The following DNAH1 variants were observed in gnomAD, a reference collection of about 807,000 sequenced individuals.
DNAH1 encodes the protein dynein axonemal heavy chain 1.
A neutral mutation model predicts 484.3 loss-of-function variants in DNAH1; 327 were observed. The ratio of observed to expected loss-of-function variants is 0.68; its 90% CI spans 0.62 to 0.74. The LOEUF (loss-of-function observed/expected upper bound fraction) is 0.74. Among genes scored for constraint, DNAH1 ranks in the 30% least tolerant of loss-of-function variants. DNAH1 has a pLI of 0.00. For synonymous variants in DNAH1, 2,192 were observed against 2,191.9 expected (o/e 1.00, Z 0.00); for missense variants, 5,052 against 5,546.8 (o/e 0.91, Z 2.83).
At chr3:52,350,673 C>T (rs1469858651) in intron 16 of DNAH1, 83 bp downstream of exon 16, 2 of 1,244,772 alleles carry the variant, frequency 1.6e-6, no homozygotes, top group Non-Finnish European at 2.3e-6. Flanking sequence ...CCAAATGCCC[C>T]AGCTGCCACA....
chr3:52,378,592 A>G lies in DNAH1; in HGVS notation c.7199-10A>G, dbSNP rs756419759. 1.5e-4 allele frequency: 236 copies of G among 1,612,934 alleles called. 1 individual carries two copies. In the South Asian group the frequency reaches 2.0e-3, roughly 14 times the overall value. ...GGCATGTGACCCAGGCCATTCTCCT[A>G]TTCCCCCAGCTGGGGCCCCCCACAT... On this transcript the variant is annotated splice_polypyrimidine_tract_variant and intron_variant, in intron 46 of 77. Coordinates refer to ENST00000420323, the MANE Select transcript of DNAH1 (RefSeq NM_015512.5).
Position 52,395,240 on chromosome 3 carries a change from A to T in DNAH1, c.10969-68A>T. ...CTGGGGACCACTCTGAGAACCCCAG[A>T]TCCCCCTCCCTTGCCCCGATCTCTC... On this transcript the variant is annotated intron_variant, in intron 68 of 77. Transcript: ENST00000420323. This position sits in a 1 kb window ranked among gnomAD's most constrained non-coding sequence, Gnocchi z 4.4. 6.4e-7 allele frequency: 1 copy of T among 1,551,352 alleles called. No homozygotes were observed. Among genetic ancestry groups the T allele is most frequent in the Non-Finnish European group, 8.7e-7 (1 of 1,143,726 alleles).
At chr3:52,340,296 G>C (rs571105354) in intron 8 of DNAH1, among the ~76,000 whole-genome samples, 1 of 151,854 alleles carries the variant, frequency 6.6e-6, no homozygotes, top group Non-Finnish European at 1.5e-5. Flanking sequence ...TGCCCAGGCT[G>C]GTCTCGAATT....
At position 52,392,484 on chromosome 3, in the gene DNAH1, T is replaced by C. The variant is rs1559569165; in HGVS notation, c.10073T>C (p.Leu3358Pro). ...GGCAGTGGCCTAGAGGACCAGCTAC[T>C]GGGCCAGGTAGTGGCAGAGGAGCGA... ...LSPSGLEDQLLGQVVAEERPD... is the reference protein window; with the variant it reads ...LSPSGLEDQLPGQVVAEERPD... The change falls in exon 64 of 78, where the codon CTG becomes CCG. Residue 3358 changes from leucine (L) to proline (P), a missense_variant. Around this residue, in one of 4 missense-constraint regions of DNAH1, gnomAD observed 2,929 missense variants for 3,409.4 expected, o/e 0.86. Transcript: ENST00000420323. 1 of 1,613,738 alleles carries C rather than the reference T, an allele frequency of 6.2e-7. No individual in the cohort carries two copies. Among genetic ancestry groups the C allele is most frequent in the Admixed American group, 1.7e-5 (1 of 60,030 alleles).
chr3:52,327,857 C>T, intron 5 of DNAH1, 25 bp from the exon 6 acceptor site: 1 of 1,609,950 alleles, frequency 6.2e-7, no homozygotes, highest in East Asian at 2.2e-5. Context: ...CTGCTTCTTC[C>T]CAATGTTGGC....
In DNAH1 at chr3:52,346,670, C is replaced by G. The variant is rs895136781; in HGVS notation, c.1855C>G (p.Leu619Val). Residue 619 changes from leucine to valine, a missense_variant, in exon 11 of 78, where the codon CTT becomes GTT. Leu to Val is a conservative substitution (Grantham distance 32, BLOSUM62 1). This residue lies in a region of DNAH1 where 1,263 missense variants were observed against 1,218.8 expected (regional missense o/e 1.04). Transcript: ENST00000420323. ...DTLRFLVQDS[L>V]ASFSQFISDT... ...ACTGCGCTTCCTGGTGCAGGACTCA[C>G]TTGCCAGCTTCTCACAGTTCATCAG... 1 of 1,614,070 alleles carries G rather than the reference C, an allele frequency of 6.2e-7. No homozygotes were observed. Among genetic ancestry groups the G allele is most frequent in the Admixed American group, 1.7e-5 (1 of 60,026 alleles).
At chr3:52,342,657 G>T (rs1701980468) in intron 8 of DNAH1, among the ~76,000 whole-genome samples, 1 of 152,180 alleles carries the variant, frequency 6.6e-6, no homozygotes, top group Non-Finnish European at 1.5e-5. Flanking sequence ...TGCACATCCA[G>T]TAGCAGGAAG....
At chr3:52,326,012 C>A in intron 3 of DNAH1, 128 bp from the exon 4 acceptor site, 1 of 959,818 alleles carries the variant, frequency 1.0e-6, no homozygotes, top group Non-Finnish European at 1.4e-6. Context: ...TGCCCAGCCA[C>A]AGGCAAGCTT....
At position 52,381,925 on chromosome 3, in the gene DNAH1, C is replaced by T; in HGVS notation, c.7805+89C>T. 7.3e-7 allele frequency: 1 copy of T among 1,373,122 alleles called. No homozygotes were observed. The highest frequency in any genetic ancestry group is 9.8e-7 in the Non-Finnish European group (1 of 1,022,294). The allele number at this position is 1,373,122 out of a possible 1,614,324, so 85.1% of individuals were successfully genotyped here. A position where few individuals can be genotyped will look rare whatever the true frequency, so the allele number is the denominator to read the frequency against. On this transcript the variant is annotated intron_variant, in intron 49 of 77. Coordinates refer to ENST00000420323, the MANE Select transcript of DNAH1 (RefSeq NM_015512.5). The surrounding 1 kb of genome is among the most constrained non-coding windows in gnomAD (Gnocchi z 4.1). Reference sequence around the variant, plus strand: ...CCATGCTTTTGCACAGTGGTAGAGGCCTCGGGCAACCCTGAAGTAGGCCCG... The same window carrying T: ...CCATGCTTTTGCACAGTGGTAGAGGTCTCGGGCAACCCTGAAGTAGGCCCG...
Position 52,368,804 on chromosome 3 carries a change from G to A in DNAH1, c.5829G>A (p.Lys1943=). The A allele has an allele frequency of 1.2e-6, 2 of 1,613,992 alleles. No homozygotes were observed. Among genetic ancestry groups the A allele is most frequent in the Non-Finnish European group, 1.7e-6 (2 of 1,179,888 alleles). Residue 1943 remains lysine (K), a synonymous_variant, in exon 37 of 78, where the codon AAG becomes AAA. Transcript: ENST00000420323. The surrounding 1 kb of genome is among the most constrained non-coding windows in gnomAD (Gnocchi z 4.4). ...CCATCACCTCCGACACCAACAAGAAGTGGTACATGTTCGATGGGCCGGTGG... is the reference window on the plus strand; with the variant it reads ...CCATCACCTCCGACACCAACAAGAAATGGTACATGTTCGATGGGCCGGTGG... ...AGAITSDTNK[K]WYMFDGPVDA...
intron 8 of DNAH1, among the ~76,000 whole-genome samples, chr3:52,339,759 G>GT (rs1290841536): frequency 4.0e-5 from 6 of 151,306 alleles, no homozygotes; most frequent in Admixed American, 3.3e-4. Flanking sequence ...TTGCACATTA[G>GT]TTTTTTTTGT....
intron 8 of DNAH1, among the ~76,000 whole-genome samples, chr3:52,336,455 G>A (rs1023623214): frequency 5.6e-4 from 86 of 152,272 alleles, no homozygotes; most frequent in African/African-American, 2.0e-3. Context: ...TTGGGAAGCT[G>A]AGGTAGGAGG....
chr3:52,368,762 G>A lies in DNAH1; in HGVS notation c.5787G>A (p.Ser1929=), dbSNP rs61738524. ...GCAGGACAGACGGGATATTCTCCTC[G>A]TTCATCCGGGCGGGGGCCATCACCT... ...THEWTDGIFS[S]FIRAGAITSD... Residue 1929 remains serine, a synonymous_variant, in exon 37 of 78, where the codon TCG becomes TCA. Coordinates refer to ENST00000420323, the MANE Select transcript of DNAH1 (RefSeq NM_015512.5). The surrounding 1 kb of genome is among the most constrained non-coding windows in gnomAD (Gnocchi z 4.4). 4.7e-3 allele frequency: 7,613 copies of A among 1,613,754 alleles called. 282 individuals carry two copies. The African/African-American group carries it at 0.082, about 17-fold the overall frequency.
At chr3:52,319,522 C>T (rs1387556138) in intron 1 of DNAH1, among the ~76,000 whole-genome samples, 7 of 152,234 alleles carry the variant, frequency 4.6e-5, no homozygotes, top group Non-Finnish European at 1.0e-4. Context: ...TCACCATTCC[C>T]AACACTGTGC....
Position 52,355,982 on chromosome 3 carries a change from T to G in DNAH1, c.3694-632T>G, listed in dbSNP as rs1027312450. On this transcript the variant is annotated intron_variant, in intron 21 of 77. Transcript: ENST00000420323. The surrounding 1 kb of genome is among the most constrained non-coding windows in gnomAD (Gnocchi z 4.5). ...GAAGGGACCAGGCCGCATTCCCCTG[T>G]TTCCCCTAGTGCCTCCCAGGGCCTG... Among the ~76,000 whole-genome samples the G allele has an allele frequency of 1.3e-5, 2 of 152,180 alleles. No individual in the cohort carries two copies. Among genetic ancestry groups the G allele is most frequent in the Non-Finnish European group, 2.9e-5 (2 of 68,020 alleles).
intron 8 of DNAH1, 123 bp from the exon 9 acceptor site, chr3:52,344,367 G>T: frequency 8.1e-7 from 1 of 1,233,340 alleles, no homozygotes; most frequent in Non-Finnish European, 1.1e-6. Context: ...GTGTGCCCAT[G>T]AATCCAGAAG....
intron 65 of DNAH1, 28 bp from the exon 66 acceptor site, chr3:52,393,306 G>A (rs368860156): frequency 2.2e-5 from 36 of 1,611,516 alleles, no homozygotes; most frequent in South Asian, 6.6e-5. Context: ...TCACCTCTCC[G>A]CGCTGCCATC....
In DNAH1 at chr3:52,376,058, T is replaced by C. The variant is rs1270206700; in HGVS notation, c.7198+65T>C. The C allele has an allele frequency of 6.3e-6, 10 of 1,582,508 alleles. No homozygotes were observed. The East Asian group carries it at 2.3e-4, about 36-fold the overall frequency. ...GGAGGAGCCCTGGGCTCTGGTTGGG[T>C]GTGTTGAGGCTGCGACCAGGCGCCG... On this transcript the variant is annotated intron_variant, in intron 46 of 77. Coordinates refer to ENST00000420323, the MANE Select transcript of DNAH1 (RefSeq NM_015512.5).
chr3:52,374,912 A>G, intron 44 of DNAH1: 1 of 876,954 alleles, frequency 1.1e-6, no homozygotes, highest in African/African-American at 1.9e-5. Context: ...TGACATGAAA[A>G]CGTCCAGGGT....
Sources: allele counts gnomAD v4.1 joint callset (sites outside exome capture counted in the v4.1 genomes callset), GRCh38; gene constraint gnomAD v4.1.1; regional missense constraint gnomAD v4.1.1; non-coding constraint Gnocchi (gnomAD v3.1); transcripts MANE v1.5; gene names NCBI Gene and HGNC (gene_info 2026-07-23, HGNC 2026-07-21).